CNOT2: variants seen among roughly 807,000 people sequenced by gnomAD.
CNOT2 encodes the protein CCR4-NOT transcription complex subunit 2.
A neutral mutation model predicts 72.1 loss-of-function variants in CNOT2; 7 were observed. The observed-to-expected ratio is 0.10, with a 90% CI of 0.06 to 0.18. The LOEUF (loss-of-function observed/expected upper bound fraction) is 0.18. Among genes scored for constraint, CNOT2 ranks in the 10% least tolerant of loss-of-function variants. The pLI, the probability that CNOT2 is intolerant of heterozygous loss-of-function variation, is 1.00. For synonymous variants in CNOT2, 196 were observed against 225.6 expected, an observed-to-expected ratio of 0.87 and a Z score of 1.17; for missense variants, 345 against 660.3, an observed-to-expected ratio of 0.52 and a Z score of 5.23.
At chr12:70,278,626 G>A (rs1039275735) in intron 2 of CNOT2, among the ~76,000 whole-genome samples, 10 of 152,138 alleles carry the variant, frequency 6.6e-5, no homozygotes, top group Non-Finnish European at 1.3e-4. Context: ...GACTAAACCC[G>A]AAGTCTTGTG....
chr12:70,251,021 G>C (rs1367265769), intron 1 of CNOT2, among the ~76,000 whole-genome samples: 11 of 152,144 alleles, frequency 7.2e-5, no homozygotes, highest in Non-Finnish European at 1.2e-4. Flanking sequence ...GGGGTGGTCT[G>C]TCTGGAGTAC....
chr12:70,243,698 G>A (rs1294123711), intron 1 of CNOT2: 1 of 149,774 alleles, frequency 6.7e-6, no homozygotes, highest in Non-Finnish European at 1.5e-5. Flanking sequence ...GGCGGCGGTG[G>A]AGGGAGGGAG....
chr12:70,265,976 A>G (rs1316176922), intron 1 of CNOT2, among the ~76,000 whole-genome samples: 2 of 150,284 alleles, frequency 1.3e-5, no homozygotes, highest in African/African-American at 4.9e-5. Context: ...TAGTCAGAAA[A>G]TATTTGTATG....
intron 1 of CNOT2, among the ~76,000 whole-genome samples, chr12:70,247,104 G>T (rs1183967768): frequency 6.6e-6 from 1 of 151,808 alleles, no homozygotes; most frequent in East Asian, 1.9e-4. Context: ...AGTCCACTTA[G>T]ATATATAGTT....
At chr12:70,302,581 C>G (rs1456889011) in intron 2 of CNOT2, among the ~76,000 whole-genome samples, 1 of 152,108 alleles carries the variant, frequency 6.6e-6, no homozygotes, top group East Asian at 1.9e-4. Context: ...GTCTGAGAGA[C>G]AGTTTGTTAT....
At chr12:70,316,625 A>G (rs974808940) in intron 3 of CNOT2, among the ~76,000 whole-genome samples, 3 of 152,192 alleles carry the variant, frequency 2.0e-5, no homozygotes, top group Non-Finnish European at 4.4e-5. Flanking sequence ...TTAACATTAA[A>G]CTACTTTTAT....
intron 1 of CNOT2, among the ~76,000 whole-genome samples, chr12:70,256,255 C>CA (rs1958432457): frequency 6.6e-6 from 1 of 152,036 alleles, no homozygotes; most frequent in Admixed American, 6.5e-5. Flanking sequence ...AATACTATTT[C>CA]AAAATAGTTT....
intron 1 of CNOT2, among the ~76,000 whole-genome samples, chr12:70,270,114 GTC>G (rs1959186023): frequency 6.6e-6 from 1 of 152,082 alleles, no homozygotes; most frequent in Non-Finnish European, 1.5e-5. Flanking sequence ...AGTTAGAAGA[GTC>G]TCTGATTATT....
chr12:70,264,381 CTT>C (rs1375560760), intron 1 of CNOT2, among the ~76,000 whole-genome samples: 2 of 152,182 alleles, frequency 1.3e-5, no homozygotes, highest in South Asian at 2.1e-4. Context: ...CAAATAAAGT[CTT>C]TTCTTTTTGG....
chr12:70,272,895 A>G (rs1868287391), intron 1 of CNOT2, among the ~76,000 whole-genome samples: 1 of 152,180 alleles, frequency 6.6e-6, no homozygotes, highest in Non-Finnish European at 1.5e-5. Context: ...CATAGCTTTT[A>G]TTACTATGGC....
chr12:70,272,886 A>G (rs1355247739), intron 1 of CNOT2, among the ~76,000 whole-genome samples: 2 of 152,192 alleles, frequency 1.3e-5, no homozygotes, highest in Admixed American at 6.5e-5. Flanking sequence ...GAGAACTTCC[A>G]TAGCTTTTAT....
chr12:70,277,181 G>A (rs1453855604), intron 1 of CNOT2, among the ~76,000 whole-genome samples: 2 of 152,016 alleles, frequency 1.3e-5, no homozygotes, highest in African/African-American at 4.8e-5. Flanking sequence ...CAGTAGGTAT[G>A]CATACTACTT....
chr12:70,352,458 A>G (rs925389499), intron 15 of CNOT2, among the ~76,000 whole-genome samples: 4 of 152,184 alleles, frequency 2.6e-5, no homozygotes, highest in African/African-American at 9.7e-5. Context: ...TTTAAATTTT[A>G]AATACTTGGT....
chr12:70,260,508 T>C (rs185967549), intron 1 of CNOT2, among the ~76,000 whole-genome samples: 1 of 152,256 alleles, frequency 6.6e-6, no homozygotes, highest in Non-Finnish European at 1.5e-5. Context: ...TTGCACTTGT[T>C]TACTTAATTA....
intron 1 of CNOT2, among the ~76,000 whole-genome samples, chr12:70,264,361 CA>C (rs1226230907): frequency 5.3e-5 from 8 of 152,200 alleles, no homozygotes; most frequent in African/African-American, 1.9e-4. Flanking sequence ...AACTTCTCTA[CA>C]CTCTGTCCCA....
chr12:70,278,381 T>A (rs1869222666), intron 2 of CNOT2, 107 bp downstream of exon 2: 1 of 663,264 alleles, frequency 1.5e-6, no homozygotes, highest in African/African-American at 1.8e-5. Flanking sequence ...ACACCTCAAT[T>A]TGAAAATTTG....
At chr12:70,336,338 G>A (rs1880696206) in intron 8 of CNOT2, 1 of 152,050 alleles carries the variant, frequency 6.6e-6, no homozygotes, top group Non-Finnish European at 1.5e-5. Flanking sequence ...AATAAAGGAG[G>A]GGAAACATAT....
chr12:70,310,764 A>T, intron 2 of CNOT2, 131 bp from the exon 3 acceptor site: 1 of 646,266 alleles, frequency 1.5e-6, no homozygotes, highest in Non-Finnish European at 2.6e-6. Flanking sequence ...CACATGCGCC[A>T]CTAGCCATTA....
At chr12:70,303,194 T>G (rs1022677340) in intron 2 of CNOT2, among the ~76,000 whole-genome samples, 4 of 152,218 alleles carry the variant, frequency 2.6e-5, no homozygotes, top group African/African-American at 9.6e-5. Flanking sequence ...TGCCTTTTAA[T>G]TGGAGCATAT....
Sources: allele counts gnomAD v4.1 joint callset (sites outside exome capture counted in the v4.1 genomes callset), GRCh38; gene constraint gnomAD v4.1.1; transcripts MANE v1.5; gene names NCBI Gene and HGNC (gene_info 2026-07-23, HGNC 2026-07-21).